Variants in TENM4 observed in about 807,000 individuals in gnomAD.
TENM4 encodes teneurin-4.
A neutral mutation model predicts 243.3 loss-of-function variants in TENM4; 82 were observed. The observed-to-expected ratio is 0.34, with a 90% CI of 0.28 to 0.40. The LOEUF is 0.40. TENM4 is among the 10% of genes least tolerant of loss of function. TENM4 has a pLI of 1.00. For synonymous variants in TENM4, 1,412 were observed against 1,456.3 expected, an observed-to-expected ratio of 0.97 and a Z score of 0.69; for missense variants, 3,138 against 3,673.3, an observed-to-expected ratio of 0.85 and a Z score of 3.77.
intron 1 of TENM4, among the ~76,000 whole-genome samples, chr11:79,408,563 A>C (rs1858622313): frequency 6.6e-6 from 1 of 152,240 alleles, no homozygotes; most frequent in Admixed American, 6.5e-5. Context: ...AATACCTGGC[A>C]TATACAGGTA....
chr11:78,878,635 C>T (rs1003108108), intron 9 of TENM4, among the ~76,000 whole-genome samples: 19 of 152,116 alleles, frequency 1.2e-4, no homozygotes, highest in African/African-American at 4.3e-4. Flanking sequence ...ACTGGCAGAC[C>T]CAAGATCAGA....
At chr11:79,321,794 G>A (rs528117787) in intron 1 of TENM4, among the ~76,000 whole-genome samples, 210 of 152,280 alleles carry the variant, frequency 1.4e-3, no homozygotes, top group African/African-American at 4.7e-3. Context: ...ATCTTAGCTA[G>A]TTTGGGTCAG....
In TENM4 at chr11:79,437,732, C is replaced by T. The variant is rs997425556; in HGVS notation, c.-321+2777G>A. Among the ~76,000 whole-genome samples, 5 of 152,152 alleles carry T rather than the reference C, an allele frequency of 3.3e-5. No individual in the cohort carries two copies. In the East Asian group the frequency reaches 7.8e-4, roughly 24 times the overall value. On this transcript the variant is annotated intron_variant, in intron 1 of 33. Coordinates refer to ENST00000278550, the MANE Select transcript of TENM4 (RefSeq NM_001098816.3). ...CCCGGCTCGCCGGGAAACAGGTTGC[C>T]GCGGAGTCCCGTCCCCTCCCCCTCT...
chr11:79,308,292 C>G (rs1856660263), intron 1 of TENM4, among the ~76,000 whole-genome samples: 1 of 152,142 alleles, frequency 6.6e-6, no homozygotes, highest in Admixed American at 6.5e-5. Flanking sequence ...ACAAAGAAAA[C>G]CGATTATATT....
intron 21 of TENM4, among the ~76,000 whole-genome samples, chr11:78,730,329 G>C (rs1436629712): frequency 6.6e-6 from 1 of 152,176 alleles, no homozygotes; most frequent in Non-Finnish European, 1.5e-5. Flanking sequence ...TGTTCCAAAT[G>C]ACTTTCCTTT....
intron 1 of TENM4, among the ~76,000 whole-genome samples, chr11:79,298,942 A>T (rs1051710768): frequency 6.6e-6 from 1 of 152,136 alleles, no homozygotes; most frequent in Non-Finnish European, 1.5e-5. Flanking sequence ...TTTCTCTCCT[A>T]TGAAAAGCAA....
intron 12 of TENM4, among the ~76,000 whole-genome samples, chr11:78,815,209 AT>A (rs1226026148): frequency 3.3e-5 from 5 of 152,130 alleles, no homozygotes; most frequent in African/African-American, 1.2e-4. Flanking sequence ...AACATGGTGA[AT>A]CCCCATCTCT....
chr11:78,684,875 C>T (rs1223286639), intron 29 of TENM4, among the ~76,000 whole-genome samples: 1 of 152,190 alleles, frequency 6.6e-6, no homozygotes, highest in Admixed American at 6.5e-5. Flanking sequence ...CTATCATCAT[C>T]GTTAGGATTA....
At chr11:79,129,433 C>A (rs1861952431) in intron 4 of TENM4, among the ~76,000 whole-genome samples, 1 of 152,172 alleles carries the variant, frequency 6.6e-6, no homozygotes, top group African/African-American at 2.4e-5. Flanking sequence ...GGAGGAAGAA[C>A]CAAGCCCTTT....
At chr11:78,930,552 C>T (rs779999246) in intron 6 of TENM4, among the ~76,000 whole-genome samples, 9 of 152,150 alleles carry the variant, frequency 5.9e-5, no homozygotes, top group Non-Finnish European at 1.0e-4. Context: ...ATCTGAGCCT[C>T]GGTACGCTCA....
At chr11:79,404,858 T>C (rs1858534299) in intron 1 of TENM4, among the ~76,000 whole-genome samples, 1 of 150,690 alleles carries the variant, frequency 6.6e-6, no homozygotes, top group South Asian at 2.1e-4. Flanking sequence ...TATGGTACAA[T>C]AGAAGACAGC....
chr11:78,927,918 C>T (rs1479180752), intron 6 of TENM4, among the ~76,000 whole-genome samples: 1 of 152,072 alleles, frequency 6.6e-6, no homozygotes, highest in African/African-American at 2.4e-5. Flanking sequence ...GCCACAGCTT[C>T]CATTTCAAAC....
At chr11:79,211,577 T>C (rs1863957717) in intron 3 of TENM4, among the ~76,000 whole-genome samples, 1 of 152,230 alleles carries the variant, frequency 6.6e-6, no homozygotes, top group East Asian at 1.9e-4. Context: ...TACCTCTATA[T>C]AGCCAAACGT....
chr11:79,379,232 G>A (rs988677235), intron 1 of TENM4, among the ~76,000 whole-genome samples: 4 of 152,176 alleles, frequency 2.6e-5, no homozygotes, highest in African/African-American at 9.7e-5. Context: ...CTGGAGCAGT[G>A]GACTAGGTTG....
At chr11:78,687,427 G>C (rs1041884888) in intron 29 of TENM4, among the ~76,000 whole-genome samples, 4 of 152,220 alleles carry the variant, frequency 2.6e-5, no homozygotes, top group African/African-American at 4.8e-5. Flanking sequence ...TTTCCCTGGT[G>C]ATGGCTTCTT....
intron 6 of TENM4, among the ~76,000 whole-genome samples, chr11:79,035,043 A>G: frequency 6.6e-6 from 1 of 152,216 alleles, no homozygotes; most frequent in Non-Finnish European, 1.5e-5. Flanking sequence ...AGAACATGCA[A>G]GGACATGAGG....
intron 4 of TENM4, among the ~76,000 whole-genome samples, chr11:79,076,135 CT>C (rs1412875749): frequency 6.6e-6 from 1 of 152,172 alleles, no homozygotes; most frequent in African/African-American, 2.4e-5. Context: ...GAGCACAGTG[CT>C]TTTCACATAC....
chr11:79,266,133 A>G (rs1224881967), intron 2 of TENM4, among the ~76,000 whole-genome samples: 1 of 152,158 alleles, frequency 6.6e-6, no homozygotes, highest in Non-Finnish European at 1.5e-5. Context: ...CCTACGTCAT[A>G]AGACTTACTG....
At chr11:78,972,420 C>T (rs1051341354) in intron 6 of TENM4, among the ~76,000 whole-genome samples, 4 of 151,994 alleles carry the variant, frequency 2.6e-5, no homozygotes, top group Non-Finnish European at 4.4e-5. Context: ...TTCTCAGGCT[C>T]GTCATTTGAT....
Sources: gnomAD v4.1 joint callset for allele counts (sites outside exome capture counted in the v4.1 genomes callset) on GRCh38, gnomAD v4.1.1 for gene constraint, MANE v1.5 for transcripts, NCBI Gene and HGNC (gene_info 2026-07-23, HGNC 2026-07-21) for gene names.